Variants in CLDN2 observed in about 807,000 individuals in gnomAD.
CLDN2 encodes claudin-2.
Under a neutral mutation model 8.2 loss-of-function variants are expected in CLDN2, and 1 was observed. That is an observed-to-expected ratio of 0.12 (90% CI 0.04 to 0.58). The LOEUF (loss-of-function observed/expected upper bound fraction) is 0.58, where lower values mean the gene tolerates loss of function less well. Among genes scored for constraint, CLDN2 ranks in the 20% least tolerant of loss-of-function variants. CLDN2 has a pLI of 0.90. For missense variants in CLDN2, 108 were observed against 172.9 expected, an observed-to-expected ratio of 0.62 and a Z score of 2.11; for synonymous variants, 70 against 70.2, an observed-to-expected ratio of 1.00 and a Z score of 0.01.
intron 1 of CLDN2, among the ~76,000 whole-genome samples, chrX:106,901,158 G>C (rs1382934233): frequency 2.7e-5 from 3 of 112,122 alleles, no homozygotes; most frequent in African/African-American, 6.5e-5. Context: ...GTCACTTATG[G>C]CTCTGACTCC....
intron 1 of CLDN2, among the ~76,000 whole-genome samples, chrX:106,902,687 A>C (rs981339493): frequency 8.9e-6 from 1 of 112,147 alleles, no homozygotes; most frequent in Non-Finnish European, 1.9e-5. Flanking sequence ...CTGCTTCCCC[A>C]CTGGACTTGC....
At chrX:106,921,861 T>A (rs1487650298) in intron 1 of CLDN2, among the ~76,000 whole-genome samples, 1 of 111,757 alleles carries the variant, frequency 8.9e-6, no homozygotes, top group Non-Finnish European at 1.9e-5. Context: ...AGGCCTAGAG[T>A]CCTCTGTACC....
chrX:106,903,184 A>C, intron 1 of CLDN2: 1 of 1,211,291 alleles, frequency 8.3e-7, no homozygotes, highest in Non-Finnish European at 1.1e-6. Flanking sequence ...AGATGGGCTT[A>C]ACAGGCCAGG....
intron 1 of CLDN2, among the ~76,000 whole-genome samples, chrX:106,911,187 T>C (rs1036179149): frequency 1.8e-5 from 2 of 111,298 alleles, no homozygotes; most frequent in African/African-American, 6.6e-5. Flanking sequence ...ATGAAAACAA[T>C]AGTACTCATC....
At chrX:106,918,865 T>C (rs138719982), upstream of CLDN2, among the ~76,000 whole-genome samples, 6 of 112,095 alleles carry the variant, frequency 5.4e-5, no homozygotes, top group East Asian at 8.5e-4. Context: ...TTTCATCTCA[T>C]TGGGCCGAGG....
chrX:106,928,733 A>T lies in CLDN2; in HGVS notation c.505A>T (p.Ile169Phe). Residue 169 changes from isoleucine to phenylalanine, a missense_variant, in exon 2 of 2, where the codon ATT (isoleucine) becomes TTT (phenylalanine). Coordinates refer to ENST00000336803, the MANE Select transcript of CLDN2 (RefSeq NM_020384.4). The part of the protein sequence containing the change: ...EIGEALYLGI[I>F]SSLFSLIAGI... ...TGGAGAGGCTCTTTACTTGGGCATT[A>T]TTTCTTCCCTGTTCTCCCTGATAGC... 1 of 1,210,701 alleles carries T rather than the reference A, an allele frequency of 8.3e-7. No homozygotes were observed. Among genetic ancestry groups the T allele is most frequent in the Non-Finnish European group, 1.1e-6 (1 of 895,241 alleles).
intron 1 of CLDN2, among the ~76,000 whole-genome samples, chrX:106,908,691 C>G (rs927733253): frequency 2.8e-5 from 3 of 108,120 alleles, no homozygotes; most frequent in Non-Finnish European, 5.7e-5. Flanking sequence ...TAGGCTCAAG[C>G]GATCCTTCCA....
At chrX:106,917,248 G>A (rs1272568854), upstream of CLDN2, among the ~76,000 whole-genome samples, 1 of 112,462 alleles carries the variant, frequency 8.9e-6, no homozygotes, top group Non-Finnish European at 1.9e-5. Flanking sequence ...TCAGGCTCCT[G>A]AGAAGTGCCC....
At chrX:106,917,978 C>T (rs1400309701), upstream of CLDN2, among the ~76,000 whole-genome samples, 4 of 111,310 alleles carry the variant, frequency 3.6e-5, no homozygotes, top group South Asian at 3.8e-4. Context: ...CTGACAATGC[C>T]GACCTGAAGG....
In CLDN2 at chrX:106,929,032, C is replaced by T. The variant is rs1187932935; in HGVS notation, c.*111C>T. ...CACTGGATCGTGTCAGAAGGTGCTG[C>T]TGAGGATAGACTGACTTTGGCCATT... On this transcript the variant is annotated 3_prime_UTR_variant, in exon 2 of 2. Coordinates refer to ENST00000336803, the MANE Select transcript of CLDN2 (RefSeq NM_020384.4). 2 of 652,004 alleles carry T rather than the reference C, an allele frequency of 3.1e-6. No homozygotes were observed. The highest frequency in any genetic ancestry group is 4.5e-5 in the African/African-American group (2 of 44,755). The allele number at this position is 652,004 out of a possible 1,213,427, so 53.7% of individuals were successfully genotyped here. A position where few individuals can be genotyped will look rare whatever the true frequency, so the allele number is the denominator to read the frequency against.
chrX:106,907,709 A>AATAATT (rs1275065045), intron 1 of CLDN2, among the ~76,000 whole-genome samples: 1 of 82,443 alleles, frequency 1.2e-5, no homozygotes, highest in Non-Finnish European at 2.1e-5. Flanking sequence ...TCAAAATAAT[A>AATAATT]ATAATAATAA....
chrX:106,903,330 C>T (rs778466499), intron 1 of CLDN2: 1 of 1,140,023 alleles, frequency 8.8e-7, no homozygotes, highest in African/African-American at 1.8e-5. Context: ...CTTCCCAGAA[C>T]CTTCTGCACT....
intron 1 of CLDN2, among the ~76,000 whole-genome samples, chrX:106,905,710 G>A (rs191356509): frequency 1.7e-3 from 191 of 110,968 alleles, no homozygotes; most frequent in African/African-American, 6.0e-3. Context: ...AGGGCTAAGA[G>A]GCAGATATTC....
At position 106,929,170 on chromosome X, in the gene CLDN2, T is replaced by C. The variant is rs1225026609; in HGVS notation, c.*249T>C. 2.0e-5 allele frequency: 8 copies of C among 409,533 alleles called. No individual in the cohort carries two copies. The Admixed American group carries it at 3.5e-4, about 18-fold the overall frequency. 33.8% of individuals were successfully genotyped at this position (409,533 alleles called of 1,213,427 possible). On this transcript the variant is annotated 3_prime_UTR_variant, in exon 2 of 2. Coordinates refer to ENST00000336803, the MANE Select transcript of CLDN2 (RefSeq NM_020384.4). Reference sequence around the variant, plus strand: ...TCCTCACCTTGCTGCTCCCCTGCCCTAAGTCCCCAACCCTCAACTTGAAAC... The same window carrying C: ...TCCTCACCTTGCTGCTCCCCTGCCCCAAGTCCCCAACCCTCAACTTGAAAC...
intron 1 of CLDN2, among the ~76,000 whole-genome samples, chrX:106,907,058 C>T (rs919814671): frequency 3.6e-5 from 4 of 112,247 alleles, no homozygotes; most frequent in Non-Finnish European, 5.6e-5. Flanking sequence ...GCTCCAGCCA[C>T]ATTATCTCAG....
chrX:106,929,001 C>T lies in CLDN2; in HGVS notation c.*80C>T. ...CACCCCGAGGGCCACAGGTGAGGGACACTACCACTGGATCGTGTCAGAAGG... is the reference window on the plus strand; with the variant it reads ...CACCCCGAGGGCCACAGGTGAGGGATACTACCACTGGATCGTGTCAGAAGG... On this transcript the variant is annotated 3_prime_UTR_variant, in exon 2 of 2. Coordinates refer to ENST00000336803, the MANE Select transcript of CLDN2 (RefSeq NM_020384.4). 1.2e-6 allele frequency: 1 copy of T among 834,068 alleles called. No individual in the cohort carries two copies. Among genetic ancestry groups the T allele is most frequent in the Non-Finnish European group, 1.7e-6 (1 of 574,496 alleles). The allele number at this position is 834,068 out of a possible 1,213,427, so 68.7% of individuals were successfully genotyped here. A position where few individuals can be genotyped will look rare whatever the true frequency, so the allele number is the denominator to read the frequency against.
At chrX:106,908,253 C>A (rs1933204937) in intron 1 of CLDN2, among the ~76,000 whole-genome samples, 1 of 112,100 alleles carries the variant, frequency 8.9e-6, no homozygotes, top group Non-Finnish European at 1.9e-5. Context: ...ATTCTCCTCA[C>A]AGCTGCCCCA....
At chrX:106,916,523 G>A (rs754523221), upstream of CLDN2, among the ~76,000 whole-genome samples, 1 of 111,289 alleles carries the variant, frequency 9.0e-6, no homozygotes, top group African/African-American at 3.3e-5. Context: ...AATCAGAAGG[G>A]TATTGCATCC....
In CLDN2 at chrX:106,907,702, AAATAATAATAATAAT is replaced by A. The variant is rs200946606; in HGVS notation, c.-179+7231_-179+7245del. On this transcript the variant is annotated intron_variant, in intron 1 of 1. Coordinates refer to the CLDN2 transcript ENST00000541806. ...GAAAACAGAGCGAGACTCCGTCTCAAAATAATAATAATAATAATAATAATAATAATAATAATAATA... is the reference window on the plus strand; with the variant it reads ...GAAAACAGAGCGAGACTCCGTCTCAAAATAATAATAATAATAATAATAATA... Among the ~76,000 whole-genome samples the A allele has an allele frequency of 4.4e-3, 420 of 95,370 alleles. 1 individual carries two copies. The highest frequency in any genetic ancestry group is 0.01 in the Middle Eastern group (2 of 193). 82.8% of individuals were successfully genotyped at this position (95,370 alleles called of 115,157 possible).
Sources: gnomAD v4.1 joint callset for allele counts (sites outside exome capture counted in the v4.1 genomes callset) on GRCh38, gnomAD v4.1.1 for gene constraint, MANE v1.5 for transcripts, NCBI Gene and HGNC (gene_info 2026-07-23, HGNC 2026-07-21) for gene names.